The following KIAA1549 variants were observed in gnomAD, a reference collection of about 807,000 sequenced individuals.
KIAA1549 encodes the protein KIAA1549.
In KIAA1549, 70 loss-of-function variants were observed where a neutral mutation model predicts 156.4. That is an observed-to-expected ratio of 0.45 (90% confidence interval 0.37 to 0.55). KIAA1549 has a LOEUF of 0.55. Among genes scored for constraint, KIAA1549 ranks in the 20% least tolerant of loss-of-function variants. The probability of loss-of-function intolerance (pLI) is 0.00; values close to 1 mark genes in which losing one functional copy is unlikely to be tolerated. For missense variants in KIAA1549, 2,428 were observed against 2,540.9 expected (o/e 0.96, Z 0.96); for synonymous variants, 1,103 against 1,066.4 (o/e 1.03, Z -0.67).
intron 1 of KIAA1549, among the ~76,000 whole-genome samples, chr7:138,924,333 C>A (rs897938326): frequency 6.6e-6 from 1 of 151,876 alleles, no homozygotes; most frequent in Non-Finnish European, 1.5e-5. Flanking sequence ...TTTTATGTGT[C>A]TGTTTTAAAA....
chr7:138,913,199 AG>A (rs1339157789), intron 2 of KIAA1549, among the ~76,000 whole-genome samples: 1 of 152,176 alleles, frequency 6.6e-6, no homozygotes, highest in African/African-American at 2.4e-5. Flanking sequence ...AAAGGCCTTA[AG>A]ATGTTACTCA....
chr7:138,893,833 G>C (rs1014761360), intron 10 of KIAA1549, among the ~76,000 whole-genome samples: 1 of 152,244 alleles, frequency 6.6e-6, no homozygotes, highest in African/African-American at 2.4e-5. Flanking sequence ...CACTTCGGGA[G>C]GCCAAGGCAG....
chr7:138,919,062 T>G lies in KIAA1549; in HGVS notation c.564A>C (p.Glu188Asp). The part of the protein sequence containing the change: ...ITVSPPGLPR[E>D]ALEPMLTPSL... ...ATGGAGTGAGCATAGGTTCTAATGCTTCCCTGGGCAGCCCTGGTGGGCTGA... is the reference window on the plus strand; with the variant it reads ...ATGGAGTGAGCATAGGTTCTAATGCGTCCCTGGGCAGCCCTGGTGGGCTGA... Residue 188 changes from glutamate (E) to aspartate (D), a missense_variant, in exon 2 of 20, where the codon GAA (glutamate) becomes GAC (aspartate). Physicochemically the swap from Glu to Asp is conservative, Grantham distance 45. Coordinates refer to ENST00000422774, the MANE Select transcript of KIAA1549 (RefSeq NM_001164665.2). The G allele has an allele frequency of 6.2e-7, 1 of 1,614,040 alleles. No homozygotes were observed. Among genetic ancestry groups the G allele is most frequent in the Admixed American group, 1.7e-5 (1 of 60,032 alleles).
intron 17 of KIAA1549, 81 bp downstream of exon 17, chr7:138,852,142 G>C: frequency 1.1e-6 from 1 of 912,660 alleles, no homozygotes; most frequent in South Asian, 1.5e-5. Flanking sequence ...GCTCATATTA[G>C]CTAAAATTAG....
At chr7:138,935,040 G>GTAAT (rs1386450667) in intron 1 of KIAA1549, among the ~76,000 whole-genome samples, 2 of 152,148 alleles carry the variant, frequency 1.3e-5, no homozygotes, top group African/African-American at 4.8e-5. Context: ...GAAATCCCTC[G>GTAAT]TAATTAGTCA....
intron 10 of KIAA1549, among the ~76,000 whole-genome samples, chr7:138,887,278 TTAAA>T (rs1290843994): frequency 1.3e-5 from 2 of 152,184 alleles, no homozygotes; most frequent in African/African-American, 4.8e-5. Context: ...AAATTAATTA[TTAAA>T]TATTTATTTA....
chr7:138,842,229 G>A (rs553055399), intron 18 of KIAA1549, among the ~76,000 whole-genome samples: 1 of 152,310 alleles, frequency 6.6e-6, no homozygotes, highest in Non-Finnish European at 1.5e-5. Flanking sequence ...TGTATCCTGT[G>A]TTGTTCACTT....
intron 1 of KIAA1549, among the ~76,000 whole-genome samples, chr7:138,961,505 C>A (rs1813846624): frequency 6.6e-6 from 1 of 152,316 alleles, no homozygotes; most frequent in African/African-American, 2.4e-5. Flanking sequence ...GAGGCTGCTG[C>A]TGTACACAAA....
In KIAA1549 at chr7:138,911,130, T is replaced by G. The variant is rs764539309; in HGVS notation, c.3145+16A>C. 2 of 1,500,744 alleles carry G rather than the reference T, an allele frequency of 1.3e-6. No homozygotes were observed. Among genetic ancestry groups the G allele is most frequent in the African/African-American group, 2.8e-5 (2 of 70,556 alleles). 93.0% of individuals were successfully genotyped at this position (1,500,744 alleles called of 1,614,324 possible). On this transcript the variant is annotated intron_variant, in intron 4 of 19. Coordinates refer to ENST00000422774, the MANE Select transcript of KIAA1549 (RefSeq NM_001164665.2). ...TTCTTTTTACAAATAAAAACAACTA[T>G]GCTGAGCTGTCTCACCTGTTTGAAC... is the stretch of plus-strand genomic sequence containing the variant.
chr7:138,837,926 C>A lies in KIAA1549; in HGVS notation c.5833G>T (p.Val1945Leu). 1 of 1,613,754 alleles carries A rather than the reference C, an allele frequency of 6.2e-7. No homozygotes were observed. Among genetic ancestry groups the A allele is most frequent in the Non-Finnish European group, 8.5e-7 (1 of 1,179,870 alleles). Residue 1945 changes from valine (V) to leucine (L), a missense_variant, in exon 20 of 20, where the codon GTG becomes TTG. Coordinates refer to ENST00000422774, the MANE Select transcript of KIAA1549 (RefSeq NM_001164665.2). ...GCCGATCAGCTGTGGAAGTTCTGCACGGTGCTCTGTTTCTGGGAGAGCCGG... is the reference window on the plus strand; with the variant it reads ...GCCGATCAGCTGTGGAAGTTCTGCAAGGTGCTCTGTTTCTGGGAGAGCCGG... ...LLRLSQKQST[V>L]QNFHS
intron 1 of KIAA1549, among the ~76,000 whole-genome samples, chr7:138,973,593 C>A (rs533463603): frequency 6.6e-6 from 1 of 152,202 alleles, no homozygotes; most frequent in African/African-American, 2.4e-5. Flanking sequence ...CATGCTCCCC[C>A]CTCACTAGTG....
intron 2 of KIAA1549, among the ~76,000 whole-genome samples, chr7:138,915,293 G>T (rs1165672523): frequency 6.6e-6 from 1 of 152,052 alleles, no homozygotes; most frequent in African/African-American, 2.4e-5. Flanking sequence ...CTATTACTCT[G>T]TGGTTCAGTA....
chr7:138,961,862 GAAAGAAAAGGAA>G (rs1813863440), intron 1 of KIAA1549, among the ~76,000 whole-genome samples: 8 of 143,944 alleles, frequency 5.6e-5, no homozygotes, highest in Non-Finnish European at 9.1e-5. Context: ...AAAAAAAAAA[GAAAGAAAAGGAA>G]AAAGAAAAGA....
intron 1 of KIAA1549, among the ~76,000 whole-genome samples, chr7:138,928,965 C>T (rs896954739): frequency 2.6e-5 from 4 of 152,180 alleles, no homozygotes; most frequent in African/African-American, 9.7e-5. Flanking sequence ...GTTAAAAATG[C>T]TAACAATTGT....
chr7:138,856,773 T>C (rs1810406353), intron 16 of KIAA1549, among the ~76,000 whole-genome samples: 1 of 152,212 alleles, frequency 6.6e-6, no homozygotes. Flanking sequence ...ATAGTTAATT[T>C]TATGTATCAA....
intron 18 of KIAA1549, among the ~76,000 whole-genome samples, chr7:138,841,509 G>A (rs542843413): frequency 1.3e-3 from 204 of 152,178 alleles, no homozygotes; most frequent in Non-Finnish European, 2.0e-3. Flanking sequence ...AACTTCTGTC[G>A]TATGGAAATA....
rs779744354 is a variant in KIAA1549 at position 138,919,116 on chromosome 7, C to T, written c.510G>A (p.Arg170=). 1 of 1,614,022 alleles carries T rather than the reference C, an allele frequency of 6.2e-7. No individual in the cohort carries two copies. The highest frequency in any genetic ancestry group is 1.1e-5 in the South Asian group (1 of 91,084). Reference sequence around the variant, plus strand: ...TGATATACTGTATTGGAGAAACCATCCGTGGAGTGGTCCAGTGAGTATCTG... The same window carrying T: ...TGATATACTGTATTGGAGAAACCATTCGTGGAGTGGTCCAGTGAGTATCTG... ...FLPDTHWTTP[R]MVSPIQYITV... Residue 170 remains arginine (R), a synonymous_variant, in exon 2 of 20, where the codon CGG becomes CGA. Coordinates refer to ENST00000422774, the MANE Select transcript of KIAA1549 (RefSeq NM_001164665.2).
chr7:138,912,706 C>T (rs557308166), intron 2 of KIAA1549, among the ~76,000 whole-genome samples: 11 of 152,150 alleles, frequency 7.2e-5, no homozygotes, highest in African/African-American at 2.4e-4. Context: ...GCTCAACACA[C>T]TAAGAAAACC....
intron 3 of KIAA1549, among the ~76,000 whole-genome samples, chr7:138,911,599 T>G (rs931060122): frequency 6.6e-6 from 1 of 152,196 alleles, no homozygotes; most frequent in African/African-American, 2.4e-5. Context: ...TTAAAACACA[T>G]AGACAAGAGT....
Sources: allele counts gnomAD v4.1 joint callset (sites outside exome capture counted in the v4.1 genomes callset), GRCh38; gene constraint gnomAD v4.1.1; transcripts MANE v1.5; gene names NCBI Gene and HGNC (gene_info 2026-07-23, HGNC 2026-07-21).